GDPD3: variants seen among roughly 807,000 people sequenced by gnomAD.
GDPD3 encodes the protein glycerophosphodiester phosphodiesterase domain containing 3, also known as lysophospholipase D GDPD3.
Under a neutral mutation model 43.7 loss-of-function variants are expected in GDPD3, and 40 were observed. The observed-to-expected ratio is 0.91, with a 90% CI of 0.71 to 1.19. The LOEUF (loss-of-function observed/expected upper bound fraction) is 1.19, where lower values mean the gene tolerates loss of function less well. Ranked by LOEUF, GDPD3 falls within the 50% of genes most tolerant of loss-of-function variation. GDPD3 has a pLI of 0.00. For missense variants in GDPD3, 363 were observed against 415.8 expected, an observed-to-expected ratio of 0.87 and a Z score of 1.11; for synonymous variants, 145 against 162.9, an observed-to-expected ratio of 0.89 and a Z score of 0.84.
In GDPD3 at chr16:30,105,025, G is replaced by A. The variant is rs767050153; in HGVS notation, c.820-16C>T. 8 of 1,589,082 alleles carry A rather than the reference G, an allele frequency of 5.0e-6. No individual in the cohort carries two copies. The highest frequency in any genetic ancestry group is 6.0e-6 in the Non-Finnish European group (7 of 1,167,790). On this transcript the variant is annotated splice_polypyrimidine_tract_variant and intron_variant, in intron 9 of 9. Coordinates refer to ENST00000406256, the MANE Select transcript of GDPD3 (RefSeq NM_024307.3). ...AAAAGACCACCTGAGCAGGGAGGGA[G>A]GGGGCCTGTAGATTCTGAACAATTT...
intron 9 of GDPD3, among the ~76,000 whole-genome samples, chr16:30,105,897 G>C (rs2072857083): frequency 6.6e-6 from 1 of 151,662 alleles, no homozygotes; most frequent in Non-Finnish European, 1.5e-5. Flanking sequence ...GATCAACTAA[G>C]GTCAGGAGTT....
chr16:30,109,082 G>A (rs983900510), intron 7 of GDPD3, among the ~76,000 whole-genome samples: 6 of 151,996 alleles, frequency 3.9e-5, no homozygotes, highest in Non-Finnish European at 8.8e-5. Context: ...CGCCCGCCTT[G>A]GCCTCCCAAA....
In GDPD3 at chr16:30,112,118, G is replaced by C; in HGVS notation, c.573+14C>G. On this transcript the variant is annotated intron_variant, in intron 6 of 9. Transcript: ENST00000406256. The surrounding 1 kb of genome is among the most constrained non-coding windows in gnomAD (Gnocchi z 5.4). ...GGAGGAGGAAGAGGACGGGGGAGGGGTGGGGGGACTCACGGCAGCCTTGCA... is the reference window on the plus strand; with the variant it reads ...GGAGGAGGAAGAGGACGGGGGAGGGCTGGGGGGACTCACGGCAGCCTTGCA... 1 of 1,606,590 alleles carries C rather than the reference G, an allele frequency of 6.2e-7. No individual in the cohort carries two copies. Among genetic ancestry groups the C allele is most frequent in the South Asian group, 1.1e-5 (1 of 90,934 alleles).
At chr16:30,109,921 CA>C (rs1188722969) in intron 7 of GDPD3, among the ~76,000 whole-genome samples, 2 of 152,144 alleles carry the variant, frequency 1.3e-5, no homozygotes, top group African/African-American at 4.8e-5. Context: ...TATCCCACTC[CA>C]GGGGTGACTT....
rs769488821 is a variant in GDPD3 at position 30,113,459 on chromosome 16, T to C, written c.20A>G (p.Tyr7Cys). The C allele has an allele frequency of 5.0e-6, 8 of 1,599,736 alleles. No homozygotes were observed. Among genetic ancestry groups the C allele is most frequent in the South Asian group, 2.2e-5 (2 of 89,636 alleles). ...ATAGCTGCCCAGGGCAGGGAGGGCA[T>C]AGTACAGCAAAAGGCTCATGACCGT... The part of the protein sequence containing the change: MSLLLY[Y>C]ALPALGSYAM... The change falls in exon 1 of 10, where the codon TAT becomes TGT. Residue 7 changes from tyrosine to cysteine, a missense_variant. Tyr to Cys is a radical substitution (Grantham distance 194, BLOSUM62 -2). Coordinates refer to ENST00000406256, the MANE Select transcript of GDPD3 (RefSeq NM_024307.3). This position sits in a 1 kb window ranked among gnomAD's most constrained non-coding sequence, Gnocchi z 5.9.
At position 30,112,249 on chromosome 16, in the gene GDPD3, A is replaced by T. The variant is rs200155231; in HGVS notation, c.484-28T>A. The T allele has an allele frequency of 1.9e-6, 3 of 1,613,554 alleles. No homozygotes were observed. The African/African-American group carries it at 4.0e-5, about 21-fold the overall frequency. On this transcript the variant is annotated intron_variant, in intron 5 of 9. Coordinates refer to ENST00000406256, the MANE Select transcript of GDPD3 (RefSeq NM_024307.3). The surrounding 1 kb of genome is among the most constrained non-coding windows in gnomAD (Gnocchi z 5.4). ...GGGAGGAGGAGAAGGAGGTGAAGGG[A>T]GAGCCAGGCCTCTCTCACGCCCCCG... is the stretch of plus-strand genomic sequence containing the variant.
intron 7 of GDPD3, 77 bp from the exon 8 acceptor site, chr16:30,108,509 C>A: frequency 1.5e-6 from 2 of 1,331,260 alleles, no homozygotes; most frequent in East Asian, 2.3e-5. Flanking sequence ...GTAGTGCCCC[C>A]GCCAACTAGG....
rs1406445601 is a variant in GDPD3 at position 30,111,536 on chromosome 16, A to C, written c.574-15T>G. 1 of 1,613,420 alleles carries C rather than the reference A, an allele frequency of 6.2e-7. No homozygotes were observed. The highest frequency in any genetic ancestry group is 2.2e-5 in the East Asian group (1 of 44,866). Reference sequence around the variant, plus strand: ...ATCTCGGGGTTCTGGGGAGGCAAGGAGAGGCATGAGAATCTGTCTGCTCTG... The same window carrying C: ...ATCTCGGGGTTCTGGGGAGGCAAGGCGAGGCATGAGAATCTGTCTGCTCTG... On this transcript the variant is annotated splice_polypyrimidine_tract_variant and intron_variant, in intron 6 of 9. Transcript: ENST00000406256.
At chr16:30,111,771 A>G (rs2072901360) in intron 6 of GDPD3, 1 of 529,126 alleles carries the variant, frequency 1.9e-6, no homozygotes, top group Non-Finnish European at 3.4e-6. Flanking sequence ...CATCTCTACT[A>G]AAAATACAAA....
In GDPD3 at chr16:30,113,355, C is replaced by T. The variant is rs768216467; in HGVS notation, c.124G>A (p.Gly42Arg). The T allele has an allele frequency of 6.2e-7, 1 of 1,605,190 alleles. No homozygotes were observed. Among genetic ancestry groups the T allele is most frequent in the South Asian group, 1.1e-5 (1 of 90,026 alleles). The change falls in exon 1 of 10, where the codon GGG (glycine) becomes AGG (arginine). Residue 42 changes from glycine to arginine, a missense_variant. Coordinates refer to ENST00000406256, the MANE Select transcript of GDPD3 (RefSeq NM_024307.3). This position sits in a 1 kb window ranked among gnomAD's most constrained non-coding sequence, Gnocchi z 5.9. Reference sequence around the variant, plus strand: ...CCCGGCTCACCTCCTCGGTGGGCCCCCAGGCGGATGCGGAAGGTGGGAGCC... The same window carrying T: ...CCCGGCTCACCTCCTCGGTGGGCCCTCAGGCGGATGCGGAAGGTGGGAGCC... ...PRAPTFRIRL[G>R]AHRGGSGELL... is the part of the protein sequence containing the mutation.
Position 30,113,118 on chromosome 16 carries a change from C to T in GDPD3, c.140-54G>A, listed in dbSNP as rs1214462871. ...GGGCTTGGGGTCTAGGGGCCTGGCC[C>T]AACCTCATCACCCACATTCCCTCTC... On this transcript the variant is annotated intron_variant, in intron 1 of 9. Coordinates refer to ENST00000406256, the MANE Select transcript of GDPD3 (RefSeq NM_024307.3). The surrounding 1 kb of genome is among the most constrained non-coding windows in gnomAD (Gnocchi z 5.9). 6.0e-6 allele frequency: 9 copies of T among 1,505,456 alleles called. No individual in the cohort carries two copies. The highest frequency in any genetic ancestry group is 6.4e-6 in the Non-Finnish European group (7 of 1,088,916). The allele number at this position is 1,505,456 out of a possible 1,614,324, so 93.3% of individuals were successfully genotyped here. A position where few individuals can be genotyped will look rare whatever the true frequency, so the allele number is the denominator to read the frequency against.
At position 30,111,373 on chromosome 16, in the gene GDPD3, G is replaced by T. The variant is rs1201911561; in HGVS notation, c.707+15C>A. 1.9e-6 allele frequency: 3 copies of T among 1,612,766 alleles called. No individual in the cohort carries two copies. Among genetic ancestry groups the T allele is most frequent in the Non-Finnish European group, 2.5e-6 (3 of 1,179,312 alleles). On this transcript the variant is annotated intron_variant, in intron 7 of 9. Coordinates refer to ENST00000406256, the MANE Select transcript of GDPD3 (RefSeq NM_024307.3). ...GCAGTGGGGAGTTTTTCTGAGGTCC[G>T]CCCCCCACTGGTACCTGTTGATGAT...
chr16:30,111,460 T>A lies in GDPD3; in HGVS notation c.635A>T (p.Tyr212Phe), dbSNP rs774281107. 1 of 1,613,496 alleles carries A rather than the reference T, an allele frequency of 6.2e-7. No homozygotes were observed. The change falls in exon 7 of 10, where the codon TAC becomes TTC. Residue 212 changes from tyrosine (Y) to phenylalanine (F), a missense_variant. By Grantham distance (22) the Tyr-to-Phe change is conservative. Coordinates refer to ENST00000406256, the MANE Select transcript of GDPD3 (RefSeq NM_024307.3). ...TGGGATGAAGGGCAGCAGCCCCAGG[T>A]AGTAGGAAAGCAGCACCCAGAATCC... Reference protein sequence around the residue: ...SRGFWVLLSYYLGLLPFIPIP... With the variant: ...SRGFWVLLSYFLGLLPFIPIP...
rs773160281 is a variant in GDPD3, at chr16:30,112,826, C to T, written c.183-33G>A. 6 of 1,600,528 alleles carry T rather than the reference C, an allele frequency of 3.7e-6. No individual in the cohort carries two copies. The South Asian group carries it at 6.6e-5, about 18-fold the overall frequency. On this transcript the variant is annotated intron_variant, in intron 2 of 9. Coordinates refer to ENST00000406256, the MANE Select transcript of GDPD3 (RefSeq NM_024307.3). This position sits in a 1 kb window ranked among gnomAD's most constrained non-coding sequence, Gnocchi z 5.4. ...GGTGAAGGTCAGCGGGGGGCAGGGGCAGGGGACTGGGATGAGGGGCATGGT... is the reference window on the plus strand; with the variant it reads ...GGTGAAGGTCAGCGGGGGGCAGGGGTAGGGGACTGGGATGAGGGGCATGGT...
chr16:30,107,392 G>GCCA (rs10689804), intron 9 of GDPD3, among the ~76,000 whole-genome samples: 130,151 of 151,834 alleles, frequency 0.86, 55,939 homozygotes, highest in East Asian at 0.98. Context: ...ACAGGTGGGA[G>GCCA]CCGTGCCCAG....
At chr16:30,109,343 C>T (rs2072883878) in intron 7 of GDPD3, among the ~76,000 whole-genome samples, 1 of 152,160 alleles carries the variant, frequency 6.6e-6, no homozygotes, top group Non-Finnish European at 1.5e-5. Context: ...AACGCCGTCT[C>T]TACTAAAAAT....
intron 6 of GDPD3, chr16:30,111,807 C>T: frequency 3.8e-6 from 2 of 528,410 alleles, no homozygotes; most frequent in East Asian, 3.4e-5. Context: ...GTGGCGTGCA[C>T]CTGTAATCCC....
At position 30,113,412 on chromosome 16, in the gene GDPD3, GGAA is replaced by G. The variant is rs750360241; in HGVS notation, c.64_66del (p.Phe22del). On this transcript the variant is annotated inframe_deletion, in exon 1 of 10. Transcript: ENST00000406256. This position sits in a 1 kb window ranked among gnomAD's most constrained non-coding sequence, Gnocchi z 5.9. ...GTGTGCAGCAGATGAGGCCGGCGCA[GGAA>G]GAAGATGGAGAGCATGGCATAGCTG... 22 of 1,612,384 alleles carry G rather than the reference GGAA, an allele frequency of 1.4e-5. No homozygotes were observed. The highest frequency in any genetic ancestry group is 4.4e-5 in the South Asian group (4 of 90,888).
chr16:30,105,971 C>T lies in GDPD3; in HGVS notation c.820-962G>A, dbSNP rs1418838666. On this transcript the variant is annotated intron_variant, in intron 9 of 9. Coordinates refer to ENST00000406256, the MANE Select transcript of GDPD3 (RefSeq NM_024307.3). ...ACTAAAAACAGAAAAATTAGCTGGG[C>T]GTGGTGGCGGGCGACTGTAATCCCA... is the stretch of plus-strand genomic sequence containing the variant. Among the ~76,000 whole-genome samples the T allele has an allele frequency of 8.6e-5, 13 of 150,766 alleles. No homozygotes were observed. In the East Asian group the frequency reaches 1.4e-3, roughly 17 times the overall value.
Sources: gnomAD v4.1 joint callset for allele counts (sites outside exome capture counted in the v4.1 genomes callset) on GRCh38, gnomAD v4.1.1 for gene constraint, Gnocchi (gnomAD v3.1) non-coding constraint, MANE v1.5 for transcripts, NCBI Gene and HGNC (gene_info 2026-07-23, HGNC 2026-07-21) for gene names.